Variants in TMEM117 observed in about 807,000 individuals in gnomAD.
The protein encoded by TMEM117 is transmembrane protein 117.
Under a neutral mutation model 52.4 loss-of-function variants are expected in TMEM117, and 27 were observed. That is an observed-to-expected ratio of 0.51 (90% CI 0.38 to 0.71). The LOEUF (loss-of-function observed/expected upper bound fraction) is 0.71, where lower values mean the gene tolerates loss of function less well. Among genes scored for constraint, TMEM117 ranks in the 30% least tolerant of loss-of-function variants. The probability of loss-of-function intolerance (pLI) is 0.00; values close to 1 mark genes in which losing one functional copy is unlikely to be tolerated. For synonymous variants in TMEM117, 215 were observed against 206.3 expected, an observed-to-expected ratio of 1.04 and a Z score of -0.36; for missense variants, 556 against 630.5, an observed-to-expected ratio of 0.88 and a Z score of 1.26.
intron 4 of TMEM117, among the ~76,000 whole-genome samples, chr12:44,206,808 A>G (rs1949573678): frequency 6.6e-6 from 1 of 152,104 alleles, no homozygotes; most frequent in Non-Finnish European, 1.5e-5. Context: ...ACAAGGGCCT[A>G]CTTGAGTGGG....
intron 5 of TMEM117, among the ~76,000 whole-genome samples, chr12:44,287,414 C>T (rs1302891214): frequency 6.6e-6 from 1 of 152,084 alleles, no homozygotes; most frequent in African/African-American, 2.4e-5. Context: ...TAGAAACCCC[C>T]CAAGAAGTAT....
intron 6 of TMEM117, among the ~76,000 whole-genome samples, chr12:44,370,085 A>C (rs1469529379): frequency 6.6e-6 from 1 of 152,152 alleles, no homozygotes; most frequent in Non-Finnish European, 1.5e-5. Context: ...CCAACCTTTA[A>C]AATCACATGT....
the TMEM117 span, chr12:43,804,165 T>G: frequency 5.1e-6 from 2 of 388,790 alleles, no homozygotes; most frequent in African/African-American, 4.2e-5. Flanking sequence ...TTTTTTTTTT[T>G]TGATAATCAC....
At chr12:43,842,343 C>T (rs1159681858) in intron 1 of TMEM117, among the ~76,000 whole-genome samples, 4 of 152,086 alleles carry the variant, frequency 2.6e-5, no homozygotes. Flanking sequence ...AGCTACAGCC[C>T]CTGGGGACAG....
At chr12:43,974,661 A>G (rs144112884) in intron 3 of TMEM117, among the ~76,000 whole-genome samples, 1 of 152,198 alleles carries the variant, frequency 6.6e-6, no homozygotes, top group Non-Finnish European at 1.5e-5. Flanking sequence ...CTCTATCTCA[A>G]CTTACCTTGT....
At chr12:44,342,807 C>A (rs971036330) in intron 6 of TMEM117, among the ~76,000 whole-genome samples, 3 of 151,940 alleles carry the variant, frequency 2.0e-5, no homozygotes, top group Non-Finnish European at 4.4e-5. Flanking sequence ...GACATTTGAC[C>A]TCAAAGGTTT....
chr12:43,912,623 A>C (rs889710274), intron 2 of TMEM117, among the ~76,000 whole-genome samples: 1 of 151,010 alleles, frequency 6.6e-6, no homozygotes, highest in African/African-American at 2.5e-5. Context: ...TGCCTGGTAC[A>C]TATTACACAC....
rs140447401 is a variant in TMEM117, at chr12:44,379,319, G to A, written c.898+2595G>A. ...TGCAGTGAGCCATGATGGCACCACTGCACTCCAGCCTGGGCAACAGAGCCA... is the reference window on the plus strand; with the variant it reads ...TGCAGTGAGCCATGATGGCACCACTACACTCCAGCCTGGGCAACAGAGCCA... On this transcript the variant is annotated intron_variant, in intron 7 of 7. Coordinates refer to ENST00000266534, the MANE Select transcript of TMEM117 (RefSeq NM_032256.3). Among the ~76,000 whole-genome samples the A allele has an allele frequency of 7.5e-3, 1,138 of 152,124 alleles. 8 individuals carry two copies. Among genetic ancestry groups the A allele is most frequent in the Middle Eastern group, 0.017 (5 of 294 alleles).
At chr12:44,101,629 A>G (rs950261194) in intron 3 of TMEM117, among the ~76,000 whole-genome samples, 3 of 151,916 alleles carry the variant, frequency 2.0e-5, no homozygotes, top group Non-Finnish European at 2.9e-5. Flanking sequence ...GTCTTTCACT[A>G]GATTACTTAA....
intron 3 of TMEM117, among the ~76,000 whole-genome samples, chr12:44,018,860 C>T (rs1231141633): frequency 4.6e-5 from 7 of 152,038 alleles, no homozygotes; most frequent in Non-Finnish European, 8.8e-5. Context: ...GCTGGAATTA[C>T]AGGCACACAC....
chr12:44,205,603 A>G (rs1038951121), intron 4 of TMEM117, among the ~76,000 whole-genome samples: 1 of 152,244 alleles, frequency 6.6e-6, no homozygotes, highest in African/African-American at 2.4e-5. Context: ...TGGGCAAAGG[A>G]CATGAACAGA....
chr12:43,971,134 C>A (rs2137691279), intron 3 of TMEM117, among the ~76,000 whole-genome samples: 1 of 152,222 alleles, frequency 6.6e-6, no homozygotes, highest in African/African-American at 2.4e-5. Context: ...TATAGTAAAT[C>A]ACAAAGGCTT....
chr12:43,956,407 A>G (rs1309072174), intron 3 of TMEM117, among the ~76,000 whole-genome samples: 1 of 151,936 alleles, frequency 6.6e-6, no homozygotes, highest in Non-Finnish European at 1.5e-5. Context: ...ACTAAGGTCT[A>G]ATATCCAGAA....
At chr12:44,079,564 GT>G (rs1029022050) in intron 3 of TMEM117, among the ~76,000 whole-genome samples, 1 of 151,746 alleles carries the variant, frequency 6.6e-6, no homozygotes, top group East Asian at 1.9e-4. Context: ...GGAATTGTTT[GT>G]TTTTTTCTTG....
intron 6 of TMEM117, among the ~76,000 whole-genome samples, chr12:44,304,601 G>A (rs1350562895): frequency 6.6e-6 from 1 of 152,170 alleles, no homozygotes; most frequent in Non-Finnish European, 1.5e-5. Context: ...AGACAGTAAA[G>A]AGGACTTTGT....
chr12:44,140,558 T>C (rs184129066), intron 3 of TMEM117, among the ~76,000 whole-genome samples: 2 of 152,250 alleles, frequency 1.3e-5, no homozygotes, highest in Admixed American at 1.3e-4. Context: ...ATCCTAGTAA[T>C]TTTTGAATGA....
At chr12:43,931,604 T>G (rs1193790087) in intron 2 of TMEM117, among the ~76,000 whole-genome samples, 4 of 152,234 alleles carry the variant, frequency 2.6e-5, no homozygotes, top group African/African-American at 9.6e-5. Flanking sequence ...ATATTTTACA[T>G]TTGGTAATTT....
intron 2 of TMEM117, among the ~76,000 whole-genome samples, chr12:43,904,774 A>G (rs1422231796): frequency 6.6e-6 from 1 of 152,236 alleles, no homozygotes; most frequent in Admixed American, 6.5e-5. Flanking sequence ...ACATTGTTAT[A>G]CCAAGCAGTT....
At chr12:43,834,510 A>G (rs1366855142), upstream of TMEM117, among the ~76,000 whole-genome samples, 1 of 152,250 alleles carries the variant, frequency 6.6e-6, no homozygotes, top group Admixed American at 6.5e-5. Flanking sequence ...ACCAAGTGCT[A>G]GCATAGGCAA....
Sources: allele counts gnomAD v4.1 joint callset (sites outside exome capture counted in the v4.1 genomes callset), GRCh38; gene constraint gnomAD v4.1.1; transcripts MANE v1.5; gene names NCBI Gene and HGNC (gene_info 2026-07-23, HGNC 2026-07-21).